The following ETV1 variants were observed in gnomAD, a reference collection of about 807,000 sequenced individuals.
ETV1 encodes the protein ETS translocation variant 1.
In ETV1, 27 loss-of-function variants were observed where a neutral mutation model predicts 62.3. The ratio of observed to expected loss-of-function variants is 0.43; its 90% CI spans 0.32 to 0.60. The LOEUF is 0.60. ETV1 is among the 20% of genes least tolerant of loss of function. The probability of loss-of-function intolerance (pLI) is 0.06; values close to 1 mark genes in which losing one functional copy is unlikely to be tolerated. For synonymous variants in ETV1, 222 were observed against 199.6 expected, an observed-to-expected ratio of 1.11 and a Z score of -0.94; for missense variants, 605 against 605.8, an observed-to-expected ratio of 1.00 and a Z score of 0.01.
intron 5 of ETV1, among the ~76,000 whole-genome samples, chr7:13,983,856 TACTGA>T: frequency 6.6e-6 from 1 of 151,942 alleles, no homozygotes; most frequent in Middle Eastern, 3.4e-3. Flanking sequence ...CAGAGGACTT[TACTGA>T]ACTGAAAATA....
intron 5 of ETV1, among the ~76,000 whole-genome samples, chr7:13,982,346 T>C (rs1475959443): frequency 6.6e-6 from 1 of 152,052 alleles, no homozygotes; most frequent in East Asian, 1.9e-4. Context: ...ACATTTCCTA[T>C]AACTGAAATA....
At chr7:13,945,332 C>A (rs537715465) in intron 6 of ETV1, among the ~76,000 whole-genome samples, 4 of 152,092 alleles carry the variant, frequency 2.6e-5, no homozygotes, top group Non-Finnish European at 4.4e-5. Context: ...TAGATGCCAA[C>A]GCTCAAGGAT....
chr7:13,960,130 C>A (rs995291766), intron 6 of ETV1, among the ~76,000 whole-genome samples: 1 of 151,988 alleles, frequency 6.6e-6, no homozygotes, highest in African/African-American at 2.4e-5. Flanking sequence ...ACGGTGTTCA[C>A]CTCTTAGAGA....
At chr7:13,938,749 G>A (rs1247165671) in intron 7 of ETV1, among the ~76,000 whole-genome samples, 1 of 152,104 alleles carries the variant, frequency 6.6e-6, no homozygotes, top group Non-Finnish European at 1.5e-5. Flanking sequence ...CTAATGTACT[G>A]CTCAGACCTG....
intron 5 of ETV1, 85 bp from the exon 6 acceptor site, chr7:13,977,565 G>A: frequency 1.1e-6 from 1 of 898,638 alleles, no homozygotes; most frequent in Non-Finnish European, 1.8e-6. Flanking sequence ...TGTCAAGTAA[G>A]ATCTTCTTGG....
intron 9 of ETV1, among the ~76,000 whole-genome samples, chr7:13,928,596 G>C (rs1183081537): frequency 6.6e-6 from 1 of 151,824 alleles, no homozygotes; most frequent in Non-Finnish European, 1.5e-5. Flanking sequence ...CCTGGCAACA[G>C]AGCGAGACTC....
chr7:13,974,844 G>GT (rs1554314931), intron 6 of ETV1: 1 of 152,286 alleles, frequency 6.6e-6, no homozygotes, highest in Non-Finnish European at 1.5e-5. Flanking sequence ...GGAGTGTTGC[G>GT]TTAAAGATTG....
intron 9 of ETV1, among the ~76,000 whole-genome samples, chr7:13,912,800 C>T (rs1231655289): frequency 1.3e-5 from 2 of 152,076 alleles, no homozygotes; most frequent in Non-Finnish European, 2.9e-5. Flanking sequence ...GGGAGATTAT[C>T]CCCATAAAGT....
At chr7:13,986,002 A>C in intron 5 of ETV1, 1 of 829,768 alleles carries the variant, frequency 1.2e-6, no homozygotes, top group African/African-American at 1.8e-5. Flanking sequence ...CAAAATAGCA[A>C]AGGTCAATTT....
intron 9 of ETV1, among the ~76,000 whole-genome samples, chr7:13,922,261 G>C (rs1784926248): frequency 6.6e-6 from 1 of 152,172 alleles, no homozygotes; most frequent in Non-Finnish European, 1.5e-5. Context: ...TGGTTGCTGA[G>C]AAGAGAAGAA....
rs572121376 is a variant in ETV1 at position 13,910,407 on chromosome 7, G to C, written c.872-707C>G. The stretch of plus-strand genomic sequence containing the variant: ...TTTACTTTTATTTCTCAAATGTATT[G>C]GTCTTTATGGTGGGTATATAATACT... On this transcript the variant is annotated intron_variant, in intron 10 of 13. Transcript: ENST00000430479. 3 of 167,730 alleles carry C rather than the reference G, an allele frequency of 1.8e-5. No homozygotes were observed. In the South Asian group the frequency reaches 5.9e-4, roughly 33 times the overall value. 10.4% of individuals were successfully genotyped at this position (167,730 alleles called of 1,614,324 possible).
At chr7:13,921,000 C>A (rs1453071185) in intron 9 of ETV1, among the ~76,000 whole-genome samples, 1 of 152,168 alleles carries the variant, frequency 6.6e-6, no homozygotes, top group African/African-American at 2.4e-5. Flanking sequence ...TACTAGTCCA[C>A]AAATCACTGG....
chr7:13,955,698 T>C (rs573764630), intron 6 of ETV1, among the ~76,000 whole-genome samples: 16 of 152,328 alleles, frequency 1.1e-4, no homozygotes, highest in African/African-American at 3.6e-4. Context: ...AGGAACTAAA[T>C]GTATTGGATC....
At chr7:13,974,959 A>G (rs1781276657) in intron 6 of ETV1, 1 of 152,524 alleles carries the variant, frequency 6.6e-6, no homozygotes, top group Non-Finnish European at 1.5e-5. Context: ...ACTAGCAGGG[A>G]TCAGGTGAGG....
chr7:13,956,137 T>C (rs894413807), intron 6 of ETV1, among the ~76,000 whole-genome samples: 6 of 152,206 alleles, frequency 3.9e-5, no homozygotes, highest in African/African-American at 1.4e-4. Context: ...AATATTACAA[T>C]AGCCGAAAAT....
chr7:13,926,893 T>C (rs1272463386), intron 9 of ETV1, among the ~76,000 whole-genome samples: 1 of 152,150 alleles, frequency 6.6e-6, no homozygotes, highest in Non-Finnish European at 1.5e-5. Context: ...ACTAACATAC[T>C]ATTTTGCATT....
rs1312740231 is a variant in ETV1, at chr7:13,892,431, G to A, written c.*3435C>T. 8.6e-6 allele frequency: 2 copies of A among 232,574 alleles called. No individual in the cohort carries two copies. Among genetic ancestry groups the A allele is most frequent in the Middle Eastern group, 1.2e-3 (1 of 806 alleles). 14.4% of individuals were successfully genotyped at this position (232,574 alleles called of 1,614,324 possible). A position where few individuals can be genotyped will look rare whatever the true frequency, so the allele number is the denominator to read the frequency against. On this transcript the variant is annotated 3_prime_UTR_variant, in exon 14 of 14. Transcript: ENST00000430479. ...GAAAATATCTCAGTGGTAAATAAAA[G>A]CAAACTCTAGTACTTTCAAATCCTA...
intron 9 of ETV1, among the ~76,000 whole-genome samples, chr7:13,915,237 G>C (rs1030288830): frequency 6.6e-6 from 1 of 152,084 alleles, no homozygotes; most frequent in African/African-American, 2.4e-5. Flanking sequence ...ACATAAACTT[G>C]TCTATTGTAT....
intron 13 of ETV1, among the ~76,000 whole-genome samples, chr7:13,900,054 G>C (rs942420249): frequency 2.0e-5 from 3 of 152,162 alleles, no homozygotes; most frequent in African/African-American, 7.2e-5. Flanking sequence ...GCTTGAACCT[G>C]GGGGACTGAG....
Sources: allele counts gnomAD v4.1 joint callset (sites outside exome capture counted in the v4.1 genomes callset), GRCh38; gene constraint gnomAD v4.1.1; transcripts MANE v1.5; gene names NCBI Gene and HGNC (gene_info 2026-07-23, HGNC 2026-07-21).